ZNF385D: variants seen among roughly 807,000 people sequenced by gnomAD.
ZNF385D encodes the protein zinc finger protein 659.
In ZNF385D, 15 loss-of-function variants were observed where a neutral mutation model predicts 35.8. That is an observed-to-expected ratio of 0.42 (90% CI 0.28 to 0.64). The LOEUF is 0.64. Ranked by LOEUF, ZNF385D falls within the 30% of genes least tolerant of loss-of-function variation. The pLI, the probability that ZNF385D is intolerant of heterozygous loss-of-function variation, is 0.23. For synonymous variants in ZNF385D, 212 were observed against 186.8 expected (o/e 1.13, Z -1.10); for missense variants, 474 against 494.6 (o/e 0.96, Z 0.39).
intron 1 of ZNF385D, among the ~76,000 whole-genome samples, chr3:21,727,832 A>G (rs2068831346): frequency 6.6e-6 from 1 of 152,252 alleles, no homozygotes; most frequent in Admixed American, 6.5e-5. Flanking sequence ...CCCAAGGATT[A>G]TAAATCATTC....
chr3:21,917,103 A>G (rs192415865), intron 3 of ZNF385D, among the ~76,000 whole-genome samples: 1 of 152,338 alleles, frequency 6.6e-6, no homozygotes, highest in Admixed American at 6.5e-5. Flanking sequence ...TATCCCTAAA[A>G]TGGAGAAGAC....
intron 3 of ZNF385D, among the ~76,000 whole-genome samples, chr3:21,858,516 T>A (rs1203801593): frequency 6.6e-6 from 1 of 152,142 alleles, no homozygotes. Context: ...AGTGTCCTTA[T>A]AAAAGAGGAC....
At chr3:22,130,445 G>A (rs1369560128) in intron 3 of ZNF385D, among the ~76,000 whole-genome samples, 1 of 152,126 alleles carries the variant, frequency 6.6e-6, no homozygotes, top group Non-Finnish European at 1.5e-5. Context: ...TTAGCCCACT[G>A]TGATGGGTAC....
intron 2 of ZNF385D, among the ~76,000 whole-genome samples, chr3:21,625,850 G>C (rs1277007125): frequency 6.6e-6 from 1 of 152,074 alleles, no homozygotes; most frequent in Non-Finnish European, 1.5e-5. Flanking sequence ...ATCACAGAAA[G>C]TTCTATTAGT....
In ZNF385D at chr3:21,446,487, C is replaced by CTTTTTTTT. The variant is rs71044918; in HGVS notation, c.440-9292_440-9285dup. On this transcript the variant is annotated intron_variant, in intron 4 of 7. Transcript: ENST00000281523. The stretch of plus-strand genomic sequence containing the variant: ...TTTTAGATACTACCTAATCAATGAA[C>CTTTTTTTT]TTTTTTTTTTTTTTTTTTTTTTTTG... 2.7e-4 allele frequency among the ~76,000 whole-genome samples: 25 copies of CTTTTTTTT among 91,856 alleles called. 1 individual carries two copies. The highest frequency in any genetic ancestry group is 4.3e-4 in the African/African-American group (9 of 21,154). The allele number at this position is 91,856 out of a possible 152,430, so 60.3% of individuals were successfully genotyped here.
chr3:21,854,805 T>C (rs763084626), intron 3 of ZNF385D, among the ~76,000 whole-genome samples: 4 of 151,998 alleles, frequency 2.6e-5, no homozygotes, highest in African/African-American at 7.2e-5. Context: ...GACCTATTAA[T>C]TGAATGAACT....
rs1467832503 is a variant in ZNF385D, at chr3:21,978,436, G to C, written c.325+190381C>G. ...AATTTATTTATTTTTGCTTTAAAGGGGGAGAAACATAACCCAGGAACTATG... is the reference window on the plus strand; with the variant it reads ...AATTTATTTATTTTTGCTTTAAAGGCGGAGAAACATAACCCAGGAACTATG... On this transcript the variant is annotated intron_variant, in intron 3 of 5. Transcript: ENST00000494108. 24 of 152,182 alleles carry C rather than the reference G, an allele frequency of 1.6e-4. 1 individual carries two copies. Among genetic ancestry groups the C allele is most frequent in the Non-Finnish European group, 1.5e-5 (1 of 68,048 alleles). The allele number at this position is 152,182 out of a possible 1,614,324, so 9.4% of individuals were successfully genotyped here. A position where few individuals can be genotyped will look rare whatever the true frequency, so the allele number is the denominator to read the frequency against.
At chr3:22,075,226 C>G (rs1036227785) in intron 3 of ZNF385D, among the ~76,000 whole-genome samples, 1 of 151,768 alleles carries the variant, frequency 6.6e-6, no homozygotes, top group Non-Finnish European at 1.5e-5. Context: ...ATCTCATTCC[C>G]ACCAGTAGAT....
At chr3:21,711,038 A>ATTTTTTT (rs562190313) in intron 1 of ZNF385D, among the ~76,000 whole-genome samples, 8 of 55,828 alleles carry the variant, frequency 1.4e-4, no homozygotes, top group East Asian at 6.0e-4. Flanking sequence ...TCCCTCTAAA[A>ATTTTTTT]GTTTTTTTTT....
At chr3:21,701,354 G>T (rs936516468) in intron 1 of ZNF385D, among the ~76,000 whole-genome samples, 2 of 152,152 alleles carry the variant, frequency 1.3e-5, no homozygotes, top group African/African-American at 2.4e-5. Context: ...AAATCCGTCA[G>T]ATCTCGTGAG....
intron 3 of ZNF385D, among the ~76,000 whole-genome samples, chr3:21,986,088 A>G (rs1203760228): frequency 1.0e-5 from 1 of 99,766 alleles, no homozygotes; most frequent in Non-Finnish European, 1.8e-5. Context: ...CTAGCAGTCT[A>G]TCAATTTTGT....
intron 3 of ZNF385D, among the ~76,000 whole-genome samples, chr3:22,029,007 T>A (rs544652722): frequency 1.3e-5 from 2 of 152,270 alleles, no homozygotes; most frequent in Non-Finnish European, 2.9e-5. Flanking sequence ...GTGGCACCAC[T>A]CACCATCATC....
At chr3:22,370,300 TCA>T (rs1696843978) in intron 2 of ZNF385D, among the ~76,000 whole-genome samples, 1 of 152,118 alleles carries the variant, frequency 6.6e-6, no homozygotes, top group Non-Finnish European at 1.5e-5. Context: ...ATGTTATAAA[TCA>T]CACATTGTTA....
chr3:21,772,942 T>C (rs543466270), intron 3 of ZNF385D, among the ~76,000 whole-genome samples: 7 of 151,958 alleles, frequency 4.6e-5, no homozygotes, highest in Middle Eastern at 3.4e-3. Flanking sequence ...CTAAGTGAAA[T>C]AGCCAATCAC....
chr3:22,171,776 C>T (rs1231282754), intron 2 of ZNF385D, among the ~76,000 whole-genome samples: 1 of 148,822 alleles, frequency 6.7e-6, no homozygotes, highest in African/African-American at 2.5e-5. Flanking sequence ...ACTCGGGAGG[C>T]TGAGGCAGGA....
chr3:21,949,708 T>C (rs1679241), intron 3 of ZNF385D, among the ~76,000 whole-genome samples: 130,697 of 151,616 alleles, frequency 0.86, 56,531 homozygotes, highest in East Asian at 0.98. Flanking sequence ...CCTCCCCTAG[T>C]CCCTCACCAG....
At chr3:22,023,008 A>G (rs1697314858) in intron 3 of ZNF385D, among the ~76,000 whole-genome samples, 1 of 152,112 alleles carries the variant, frequency 6.6e-6, no homozygotes, top group Non-Finnish European at 1.5e-5. Flanking sequence ...CACAAAATAA[A>G]AGTACACAGT....
chr3:21,752,270 G>A (rs925591421), upstream of ZNF385D, among the ~76,000 whole-genome samples: 5 of 152,104 alleles, frequency 3.3e-5, no homozygotes, highest in East Asian at 7.7e-4. Context: ...ACCAATTTAC[G>A]TACTGGAACA....
intron 3 of ZNF385D, among the ~76,000 whole-genome samples, chr3:22,075,933 A>T (rs1285114779): frequency 1.3e-5 from 2 of 151,926 alleles, no homozygotes; most frequent in Admixed American, 1.3e-4. Flanking sequence ...CAATCTCCGA[A>T]TGTGGTGAGG....
Sources: allele counts gnomAD v4.1 joint callset (sites outside exome capture counted in the v4.1 genomes callset), GRCh38; gene constraint gnomAD v4.1.1; transcripts MANE v1.5; gene names NCBI Gene and HGNC (gene_info 2026-07-23, HGNC 2026-07-21).